Variants in PPARGC1A observed in about 807,000 individuals in gnomAD.
PPARGC1A encodes the protein peroxisome proliferator-activated receptor gamma coactivator 1-alpha.
A neutral mutation model predicts 88.7 loss-of-function variants in PPARGC1A; 25 were observed. The observed-to-expected ratio is 0.28, with a 90% CI of 0.21 to 0.39. The LOEUF is 0.39. Among genes scored for constraint, PPARGC1A ranks in the 10% least tolerant of loss-of-function variants. The probability of loss-of-function intolerance (pLI) is 1.00; values close to 1 mark genes in which losing one functional copy is unlikely to be tolerated. For synonymous variants in PPARGC1A, 363 were observed against 355.6 expected (o/e 1.02, Z -0.24); for missense variants, 880 against 968.7 (o/e 0.91, Z 1.22).
At chr4:23,993,144 T>A in the PPARGC1A span, among the ~76,000 whole-genome samples, 3 of 151,868 alleles carry the variant, frequency 2.0e-5, no homozygotes, top group Non-Finnish European at 4.4e-5. Flanking sequence ...TAAGAAAAAA[T>A]TTTTAAAGCT....
At chr4:24,160,791 C>T in the PPARGC1A span, among the ~76,000 whole-genome samples, 1 of 152,192 alleles carries the variant, frequency 6.6e-6, no homozygotes, top group African/African-American at 2.4e-5. Flanking sequence ...CAGTGATATA[C>T]TTTCCATTTC....
chr4:24,119,288 T>A, the PPARGC1A span, among the ~76,000 whole-genome samples: 2 of 152,182 alleles, frequency 1.3e-5, no homozygotes, highest in Non-Finnish European at 2.9e-5. Flanking sequence ...CAGAGCAGGA[T>A]CCCTTTGGCT....
chr4:24,092,580 G>A, the PPARGC1A span, among the ~76,000 whole-genome samples: 3 of 152,072 alleles, frequency 2.0e-5, no homozygotes, highest in South Asian at 4.2e-4. Context: ...CACTTAATAC[G>A]GTAAATTCAC....
At chr4:24,060,224 G>A in the PPARGC1A span, among the ~76,000 whole-genome samples, 1 of 152,122 alleles carries the variant, frequency 6.6e-6, no homozygotes. Flanking sequence ...AACAAACACA[G>A]AAGTTGAAAG....
the PPARGC1A span, among the ~76,000 whole-genome samples, chr4:24,394,621 T>C: frequency 7.2e-5 from 11 of 152,212 alleles, no homozygotes; most frequent in African/African-American, 2.7e-4. Flanking sequence ...AGGTAAATGT[T>C]CCTCCCCAAT....
chr4:24,184,963 T>A, the PPARGC1A span, among the ~76,000 whole-genome samples: 1 of 152,016 alleles, frequency 6.6e-6, no homozygotes, highest in Non-Finnish European at 1.5e-5. Context: ...CTCATCTGGG[T>A]TGTACTTTGA....
chr4:24,462,659 A>G, the PPARGC1A span, among the ~76,000 whole-genome samples: 1 of 151,596 alleles, frequency 6.6e-6, no homozygotes, highest in African/African-American at 2.4e-5. Context: ...CATGTAAAGC[A>G]CTTTAAAATG....
Position 23,824,108 on chromosome 4 carries a change from GT to G in PPARGC1A, c.877+171del, listed in dbSNP as rs3217669. ...TTAAGCGCTTCAATATTTTTTATTA[GT>G]TTTTTTTTTTTAAATAAACAACTGG... is the stretch of plus-strand genomic sequence containing the variant. On this transcript the variant is annotated intron_variant, in intron 7 of 12. Transcript: ENST00000264867. 2.6e-3 allele frequency among the ~76,000 whole-genome samples: 166 copies of G among 65,062 alleles called. 1 individual carries two copies. Among genetic ancestry groups the G allele is most frequent in the East Asian group, 0.019 (35 of 1,818 alleles). The allele number at this position is 65,062 out of a possible 152,430, so 42.7% of individuals were successfully genotyped here.
the PPARGC1A span, among the ~76,000 whole-genome samples, chr4:24,184,245 T>C: frequency 2.0e-4 from 30 of 152,296 alleles, no homozygotes; most frequent in South Asian, 6.2e-3. Context: ...TATCCCCAAT[T>C]TGGAAATTAG....
the PPARGC1A span, among the ~76,000 whole-genome samples, chr4:24,034,284 C>CA: frequency 0.02 from 3,096 of 151,938 alleles, 57 homozygotes; most frequent in South Asian, 0.031. Context: ...CAAAGTAAAA[C>CA]AAAAAAAGGA....
the PPARGC1A span, among the ~76,000 whole-genome samples, chr4:24,259,205 A>G: frequency 6.6e-6 from 1 of 152,194 alleles, no homozygotes; most frequent in Non-Finnish European, 1.5e-5. Context: ...CCTTAAAATG[A>G]CTGGCCCTGA....
At chr4:24,399,930 C>A in the PPARGC1A span, among the ~76,000 whole-genome samples, 7 of 152,026 alleles carry the variant, frequency 4.6e-5, no homozygotes, top group East Asian at 1.4e-3. Flanking sequence ...GAATTACAGG[C>A]ACACACCACC....
the PPARGC1A span, among the ~76,000 whole-genome samples, chr4:23,964,386 G>A: frequency 2.0e-5 from 3 of 152,152 alleles, no homozygotes; most frequent in African/African-American, 7.2e-5. Flanking sequence ...TATGTTAAGA[G>A]CATGGTGACC....
chr4:23,810,677 C>A (rs544649434), intron 10 of PPARGC1A, among the ~76,000 whole-genome samples: 1 of 152,014 alleles, frequency 6.6e-6, no homozygotes, highest in African/African-American at 2.4e-5. Flanking sequence ...TGTGTCATGG[C>A]CATATAAGCA....
chr4:24,038,756 T>C, the PPARGC1A span, among the ~76,000 whole-genome samples: 1 of 152,276 alleles, frequency 6.6e-6, no homozygotes, highest in Non-Finnish European at 1.5e-5. Context: ...TATTCAGCAA[T>C]GGACCCAGCT....
intron 3 of PPARGC1A, among the ~76,000 whole-genome samples, chr4:23,830,043 T>G (rs1011877784): frequency 6.6e-6 from 1 of 151,980 alleles, no homozygotes; most frequent in African/African-American, 2.4e-5. Context: ...AAAGCTGCCT[T>G]GCTAAATGAA....
the PPARGC1A span, among the ~76,000 whole-genome samples, chr4:24,397,383 C>A: frequency 1.3e-5 from 2 of 152,114 alleles, no homozygotes; most frequent in African/African-American, 4.8e-5. Flanking sequence ...CCTCCAATAT[C>A]CACTCTCCCC....
upstream of PPARGC1A, among the ~76,000 whole-genome samples, chr4:23,900,592 C>T (rs962288030): frequency 2.6e-5 from 4 of 152,174 alleles, no homozygotes; most frequent in African/African-American, 9.7e-5. Flanking sequence ...TAAAATCAAG[C>T]AACATTACAG....
the PPARGC1A span, among the ~76,000 whole-genome samples, chr4:24,372,941 A>C: frequency 4.1e-4 from 63 of 152,324 alleles, no homozygotes; most frequent in African/African-American, 1.4e-3. Context: ...AATTTCTAGA[A>C]TCCTTAAGAG....
Sources: allele counts gnomAD v4.1 joint callset (sites outside exome capture counted in the v4.1 genomes callset), GRCh38; gene constraint gnomAD v4.1.1; transcripts MANE v1.5; gene names NCBI Gene and HGNC (gene_info 2026-07-23, HGNC 2026-07-21).